The following ABHD12 variants were observed in gnomAD, a reference collection of about 807,000 sequenced individuals.
The protein encoded by ABHD12 is lysophosphatidylserine lipase ABHD12.
A neutral mutation model predicts 58.3 loss-of-function variants in ABHD12; 43 were observed. The ratio of observed to expected loss-of-function variants is 0.74; its 90% CI spans 0.58 to 0.95. The LOEUF is 0.95. Among genes scored for constraint, ABHD12 ranks in the 40% least tolerant of loss-of-function variants. The pLI is 0.00. For synonymous variants in ABHD12, 219 were observed against 211.2 expected, an observed-to-expected ratio of 1.04 and a Z score of -0.32; for missense variants, 539 against 537.2, an observed-to-expected ratio of 1.00 and a Z score of -0.03.
At chr20:25,387,807 C>T (rs947858486) in intron 1 of ABHD12, among the ~76,000 whole-genome samples, 3 of 151,268 alleles carry the variant, frequency 2.0e-5, no homozygotes, top group African/African-American at 7.3e-5. Context: ...ATTTGGGAGG[C>T]CGAGGTGGGT....
At chr20:25,373,377 T>C (rs2089922207) in intron 1 of ABHD12, among the ~76,000 whole-genome samples, 1 of 152,052 alleles carries the variant, frequency 6.6e-6, no homozygotes, top group African/African-American at 2.4e-5. Context: ...TAAAACTCTG[T>C]ATCTACTAAA....
downstream of ABHD12, chr20:25,297,365 T>C (rs557894647): frequency 6.6e-6 from 1 of 152,530 alleles, no homozygotes; most frequent in East Asian, 1.9e-4. Flanking sequence ...ACTTGGTCAC[T>C]TTTGTGCTTG....
At chr20:25,353,587 G>C (rs1022944157) in intron 1 of ABHD12, among the ~76,000 whole-genome samples, 9 of 152,114 alleles carry the variant, frequency 5.9e-5, no homozygotes, top group African/African-American at 2.2e-4. Context: ...TACAGGCTGG[G>C]CTGCTGCTGG....
intron 4 of ABHD12, among the ~76,000 whole-genome samples, chr20:25,319,721 G>A (rs750820827): frequency 1.2e-4 from 19 of 152,196 alleles, no homozygotes; most frequent in Non-Finnish European, 2.2e-4. Flanking sequence ...CCTCCTCGGA[G>A]GGACCCCAAA....
chr20:25,339,114 C>T lies in ABHD12; in HGVS notation c.316+113G>A. ...GTACACTTAAGATATGTACCCTTCA[C>T]TGTATGTAAACTAAATCTCCATTAA... On this transcript the variant is annotated intron_variant, in intron 2 of 12. Transcript: ENST00000339157. The T allele has an allele frequency of 2.0e-6, 3 of 1,505,552 alleles. No homozygotes were observed. In the South Asian group the frequency reaches 3.6e-5, roughly 18 times the overall value. The allele number at this position is 1,505,552 out of a possible 1,614,324, so 93.3% of individuals were successfully genotyped here.
chr20:25,350,442 G>C (rs78395155), intron 1 of ABHD12, among the ~76,000 whole-genome samples: 1 of 152,126 alleles, frequency 6.6e-6, no homozygotes, highest in African/African-American at 2.4e-5. Flanking sequence ...TCTCATGGTA[G>C]TAAGTCTCAC....
chr20:25,339,413 T>A, intron 1 of ABHD12, 62 bp from the exon 2 acceptor site: 1 of 1,611,432 alleles, frequency 6.2e-7, no homozygotes, highest in Non-Finnish European at 8.5e-7. Context: ...TGTAGTTTGT[T>A]AATAGTGTTA....
chr20:25,374,145 C>CA (rs2089932918), intron 1 of ABHD12, among the ~76,000 whole-genome samples: 1 of 151,656 alleles, frequency 6.6e-6, no homozygotes, highest in African/African-American at 2.4e-5. Context: ...AGGCTGGTCT[C>CA]AGATTCCTGG....
At chr20:25,301,603 G>T (rs1030064079) in intron 12 of ABHD12, among the ~76,000 whole-genome samples, 1 of 152,260 alleles carries the variant, frequency 6.6e-6, no homozygotes, top group African/African-American at 2.4e-5. Context: ...TGTGTCCTCT[G>T]ACAGGCAGGT....
rs1341237590 is a variant in ABHD12 at position 25,308,509 on chromosome 20, A to C, written c.750-15T>G. ...TTGTCGCCACGCTAGGAAAAAAGAA[A>C]AACAGCTTAGTTGAGTTATGATAAA... On this transcript the variant is annotated splice_polypyrimidine_tract_variant and intron_variant, in intron 7 of 12. Transcript: ENST00000339157. The C allele has an allele frequency of 2.2e-5, 36 of 1,606,390 alleles. No homozygotes were observed. The highest frequency in any genetic ancestry group is 3.1e-5 in the Non-Finnish European group (36 of 1,176,174).
intron 12 of ABHD12, among the ~76,000 whole-genome samples, chr20:25,301,919 C>T (rs1165729179): frequency 6.6e-6 from 1 of 152,248 alleles, no homozygotes; most frequent in African/African-American, 2.4e-5. Flanking sequence ...GCTGGGGTGT[C>T]TGTGTCTGAG....
At chr20:25,351,589 G>A (rs533120859) in intron 1 of ABHD12, among the ~76,000 whole-genome samples, 1 of 152,298 alleles carries the variant, frequency 6.6e-6, no homozygotes, top group Admixed American at 6.5e-5. Flanking sequence ...GTTGACCCTG[G>A]CCCTTAGGCT....
chr20:25,347,165 C>A (rs1026140979), intron 1 of ABHD12, among the ~76,000 whole-genome samples: 1 of 152,304 alleles, frequency 6.6e-6, no homozygotes, highest in African/African-American at 2.4e-5. Context: ...GAAACCTTCA[C>A]AGCTTACATA....
At chr20:25,345,469 C>T (rs767770724) in intron 1 of ABHD12, among the ~76,000 whole-genome samples, 1 of 152,146 alleles carries the variant, frequency 6.6e-6, no homozygotes, top group Non-Finnish European at 1.5e-5. Flanking sequence ...AAATTGAAAT[C>T]TTCTGCTCTG....
In ABHD12 at chr20:25,383,968, A is replaced by AAAG. The variant is rs1555826208; in HGVS notation, c.191+6544_191+6545insCTT. Among the ~76,000 whole-genome samples the AAAG allele has an allele frequency of 3.9e-4, 51 of 131,694 alleles. 2 individuals are homozygous for AAAG. The highest frequency in any genetic ancestry group is 6.3e-4 in the Non-Finnish European group (40 of 63,092). The allele number at this position is 131,694 out of a possible 152,430, so 86.4% of individuals were successfully genotyped here. A position where few individuals can be genotyped will look rare whatever the true frequency, so the allele number is the denominator to read the frequency against. ...AGACTCTTTCTCAAAAAAAAAAAAA[A>AAAG]AAAAAAGAAAAAAAAGAAAAAAAAT... On this transcript the variant is annotated intron_variant, in intron 1 of 12. Transcript: ENST00000339157.
intron 1 of ABHD12, among the ~76,000 whole-genome samples, chr20:25,350,356 G>A (rs1209668388): frequency 1.3e-5 from 2 of 152,176 alleles, no homozygotes; most frequent in Non-Finnish European, 2.9e-5. Context: ...ATCTTGAATT[G>A]TAATGATCCC....
intron 2 of ABHD12, among the ~76,000 whole-genome samples, chr20:25,333,739 C>T (rs1223357735): frequency 6.6e-6 from 1 of 151,752 alleles, no homozygotes; most frequent in Non-Finnish European, 1.5e-5. Context: ...CAGAAAAGGC[C>T]TCTGACAAAA....
chr20:25,295,514 G>GCCTGGCCT, downstream of ABHD12: 3 of 1,430,174 alleles, frequency 2.1e-6, no homozygotes, highest in Non-Finnish European at 3.0e-6. Flanking sequence ...GGTGGATGGT[G>GCCTGGCCT]CCTGGCCTCC....
Position 25,375,858 on chromosome 20 carries a change from C to G in ABHD12, c.191+14655G>C, listed in dbSNP as rs192835359. ...CTATAATTAGCTGGGTGCAGTGGCT[C>G]ACACCTGTAATCCCAGCACTTTGGG... On this transcript the variant is annotated intron_variant, in intron 1 of 12. Coordinates refer to ENST00000339157, the MANE Select transcript of ABHD12 (RefSeq NM_001042472.3). Among the ~76,000 whole-genome samples the G allele has an allele frequency of 3.4e-3, 517 of 152,316 alleles. 3 individuals are homozygous for G. Among genetic ancestry groups the G allele is most frequent in the Non-Finnish European group, 6.1e-3 (412 of 68,038 alleles).
Sources: gnomAD v4.1 joint callset for allele counts (sites outside exome capture counted in the v4.1 genomes callset) on GRCh38, gnomAD v4.1.1 for gene constraint, MANE v1.5 for transcripts, NCBI Gene and HGNC (gene_info 2026-07-23, HGNC 2026-07-21) for gene names.